Variants in WASL observed in about 807,000 individuals in gnomAD.
The protein encoded by WASL is WASP like actin nucleation promoting factor, also known as actin nucleation-promoting factor WASL.
WASL carries 20 observed loss-of-function variants against 55.5 expected under a neutral mutation model. The ratio of observed to expected loss-of-function variants is 0.36; its 90% confidence interval spans 0.25 to 0.52. The LOEUF is 0.52. Among genes scored for constraint, WASL ranks in the 20% least tolerant of loss-of-function variants. WASL has a pLI of 0.92. For synonymous variants in WASL, 249 were observed against 217.6 expected (o/e 1.14, Z -1.27); for missense variants, 504 against 622.5 (o/e 0.81, Z 2.03).
intron 9 of WASL, among the ~76,000 whole-genome samples, chr7:123,689,611 T>C (rs1414438848): frequency 6.6e-6 from 1 of 152,172 alleles, no homozygotes; most frequent in Non-Finnish European, 1.5e-5. Context: ...CTACAAAAAT[T>C]CAGCTTTACA....
chr7:123,689,365 A>G (rs1453996060), intron 9 of WASL, among the ~76,000 whole-genome samples: 1 of 152,202 alleles, frequency 6.6e-6, no homozygotes, highest in African/African-American at 2.4e-5. Context: ...CTTAATGTAT[A>G]AGCCAAAAAT....
At chr7:123,734,158 C>T (rs1260536693) in intron 1 of WASL, among the ~76,000 whole-genome samples, 2 of 152,084 alleles carry the variant, frequency 1.3e-5, no homozygotes, top group Non-Finnish European at 1.5e-5. Flanking sequence ...AAATTAAAAA[C>T]TTCTTTCTGT....
chr7:123,732,587 A>T (rs114807631), intron 1 of WASL, among the ~76,000 whole-genome samples: 1 of 152,222 alleles, frequency 6.6e-6, no homozygotes, highest in Non-Finnish European at 1.5e-5. Context: ...AAAACACCAT[A>T]GCAGATGGTT....
rs529634665 is a variant in WASL, at chr7:123,739,102, A to G, written c.117+9516T>C. On this transcript the variant is annotated intron_variant, in intron 1 of 10. Transcript: ENST00000223023. ...AAAGTATTACTCAATCCTTATTTCT[A>G]TTATGAATAATAATTTCCAATTTTC... is the stretch of plus-strand genomic sequence containing the variant. Among the ~76,000 whole-genome samples the G allele has an allele frequency of 4.6e-5, 7 of 152,334 alleles. No homozygotes were observed. In the East Asian group the frequency reaches 9.6e-4, roughly 21 times the overall value.
chr7:123,696,764 A>C lies in WASL; in HGVS notation c.461-17T>G, dbSNP rs1031307037. ...GATTAGGACCTGCAAATAAAACCAA[A>C]TTATATAAAAGGGATATAATTTAAG... On this transcript the variant is annotated splice_polypyrimidine_tract_variant and intron_variant, in intron 5 of 10. Coordinates refer to ENST00000223023, the MANE Select transcript of WASL (RefSeq NM_003941.4). 1 of 1,484,934 alleles carries C rather than the reference A, an allele frequency of 6.7e-7. No individual in the cohort carries two copies. The highest frequency in any genetic ancestry group is 9.0e-7 in the Non-Finnish European group (1 of 1,115,740). The allele number at this position is 1,484,934 out of a possible 1,614,324, so 92.0% of individuals were successfully genotyped here.
intron 1 of WASL, among the ~76,000 whole-genome samples, chr7:123,718,542 A>G (rs545248622): frequency 3.9e-5 from 6 of 152,160 alleles, no homozygotes; most frequent in Non-Finnish European, 8.8e-5. Context: ...TCTATATTCA[A>G]TGTTTTAAGA....
At chr7:123,742,987 A>G (rs1270233280) in intron 1 of WASL, among the ~76,000 whole-genome samples, 3 of 152,198 alleles carry the variant, frequency 2.0e-5, no homozygotes, top group Admixed American at 1.3e-4. Context: ...AGCTGGAAAG[A>G]CTGTGGAGTT....
At chr7:123,687,338 G>C (rs1377862375) in intron 10 of WASL, among the ~76,000 whole-genome samples, 1 of 151,952 alleles carries the variant, frequency 6.6e-6, no homozygotes, top group Non-Finnish European at 1.5e-5. Flanking sequence ...CACTTTCAGG[G>C]GTCTCCAAAG....
At chr7:123,718,523 G>T (rs528985705) in intron 1 of WASL, among the ~76,000 whole-genome samples, 24 of 152,238 alleles carry the variant, frequency 1.6e-4, no homozygotes, top group African/African-American at 5.8e-4. Context: ...TCTGGAAGGA[G>T]GAGAGTCTTC....
chr7:123,689,005 TG>T (rs1268137861), intron 10 of WASL, 36 bp downstream of exon 10: 3 of 1,440,178 alleles, frequency 2.1e-6, no homozygotes, highest in Non-Finnish European at 2.8e-6. Context: ...ACACTCTCTC[TG>T]TCTCTCTCTC....
intron 10 of WASL, among the ~76,000 whole-genome samples, chr7:123,685,243 C>T (rs1803266949): frequency 1.3e-5 from 2 of 151,884 alleles, no homozygotes; most frequent in South Asian, 4.1e-4. Flanking sequence ...CCTCCTGTGG[C>T]TACCACTGCT....
intron 1 of WASL, among the ~76,000 whole-genome samples, chr7:123,729,666 C>T (rs1296511872): frequency 6.6e-6 from 1 of 152,242 alleles, no homozygotes; most frequent in African/African-American, 2.4e-5. Context: ...CCTACAGATA[C>T]GTATGTGGGT....
intron 8 of WASL, 39 bp from the exon 9 acceptor site, chr7:123,692,906 C>G (rs772619171): frequency 7.5e-7 from 1 of 1,340,434 alleles, no homozygotes; most frequent in Non-Finnish European, 9.6e-7. Context: ...ATGCTTTTTT[C>G]TTCTCATAAA....
chr7:123,690,377 C>T (rs993132004), intron 9 of WASL, among the ~76,000 whole-genome samples: 1 of 152,142 alleles, frequency 6.6e-6, no homozygotes, highest in Non-Finnish European at 1.5e-5. Flanking sequence ...TAATCATATT[C>T]ATCACAGAAT....
chr7:123,706,248 C>T (rs950232625), intron 4 of WASL, 29 bp downstream of exon 4: 53 of 1,601,278 alleles, frequency 3.3e-5, no homozygotes, highest in African/African-American at 2.1e-4. Flanking sequence ...AGTTTGCTGG[C>T]CTGATTTAAG....
At chr7:123,711,262 G>A (rs1554405079) in intron 1 of WASL, among the ~76,000 whole-genome samples, 1 of 151,194 alleles carries the variant, frequency 6.6e-6, no homozygotes, top group Non-Finnish European at 1.5e-5. Flanking sequence ...CTATATATGT[G>A]AACTTTAAAA....
chr7:123,694,187 T>C (rs1472398809), intron 8 of WASL, among the ~76,000 whole-genome samples: 2 of 152,164 alleles, frequency 1.3e-5, no homozygotes, highest in Non-Finnish European at 2.9e-5. Flanking sequence ...ACTGCAATAA[T>C]TATTAAGACA....
chr7:123,686,608 A>T (rs1803295024), intron 10 of WASL, among the ~76,000 whole-genome samples: 1 of 152,152 alleles, frequency 6.6e-6, no homozygotes, highest in Non-Finnish European at 1.5e-5. Context: ...GGAAATATTT[A>T]GCAGAACTCA....
intron 10 of WASL, among the ~76,000 whole-genome samples, chr7:123,686,660 G>A (rs1476872000): frequency 6.6e-6 from 1 of 152,068 alleles, no homozygotes; most frequent in Non-Finnish European, 1.5e-5. Context: ...GAATCATGTA[G>A]TTCACAGAAG....
Sources: gnomAD v4.1 joint callset for allele counts (sites outside exome capture counted in the v4.1 genomes callset) on GRCh38, gnomAD v4.1.1 for gene constraint, MANE v1.5 for transcripts, NCBI Gene and HGNC (gene_info 2026-07-23, HGNC 2026-07-21) for gene names.